The following TNN variants were observed in gnomAD, a reference collection of about 807,000 sequenced individuals.
TNN encodes tenascin-N.
TNN carries 122 observed loss-of-function variants against 134.4 expected under a neutral mutation model. The observed-to-expected ratio is 0.91, with a 90% CI of 0.78 to 1.06. The LOEUF is 1.06. Among genes scored for constraint, TNN ranks in the 50% least tolerant of loss-of-function variants. The pLI is 0.00. For synonymous variants in TNN, 710 were observed against 670.3 expected, an observed-to-expected ratio of 1.06 and a Z score of -0.91; for missense variants, 1,739 against 1,699.4, an observed-to-expected ratio of 1.02 and a Z score of -0.41.
In TNN at chr1:175,118,674, G is replaced by A. The variant is rs541706099; in HGVS notation, c.2500G>A (p.Ala834Thr). Reference sequence around the variant, plus strand: ...CAGGTATGTGGTGCACTACACGTCTGCCAACGGAGAGACCAGGGAGGTTCC... The same window carrying A: ...CAGGTATGTGGTGCACTACACGTCTACCAACGGAGAGACCAGGGAGGTTCC... The part of the protein sequence containing the change: ...IDRYVVHYTS[A>T]NGETREVPVG... The change falls in exon 11 of 19, where the codon GCC (alanine) becomes ACC (threonine). Residue 834 changes from alanine to threonine, a missense_variant. Physicochemically the swap from Ala to Thr is moderately conservative, Grantham distance 58 (BLOSUM62 0). Coordinates refer to ENST00000239462, the MANE Select transcript of TNN (RefSeq NM_022093.2). 6.2e-7 allele frequency: 1 copy of A among 1,614,260 alleles called. No homozygotes were observed. The highest frequency in any genetic ancestry group is 1.1e-5 in the South Asian group (1 of 91,090).
intron 1 of TNN, among the ~76,000 whole-genome samples, chr1:175,072,791 C>T (rs1673944996): frequency 6.6e-6 from 1 of 152,088 alleles, no homozygotes; most frequent in Non-Finnish European, 1.5e-5. Context: ...CATCTTGTTA[C>T]AAATCAGAAG....
intron 1 of TNN, among the ~76,000 whole-genome samples, chr1:175,072,926 CTTTTTTTTTTTTT>C (rs60879960): frequency 1.9e-4 from 9 of 46,764 alleles, no homozygotes; most frequent in African/African-American, 7.8e-4. Flanking sequence ...GAGTCCACGG[CTTTTTTTTTTTTT>C]TTTTTTTTTT....
At chr1:175,115,915 T>C (rs533640054) in intron 9 of TNN, among the ~76,000 whole-genome samples, 18 of 152,348 alleles carry the variant, frequency 1.2e-4, no homozygotes, top group Non-Finnish European at 2.5e-4. Context: ...GGTTTCCAGC[T>C]GCTCTTACCT....
chr1:175,075,968 G>T lies in TNN; in HGVS notation c.-35-1416G>T, dbSNP rs530391815. On this transcript the variant is annotated intron_variant, in intron 1 of 18. Coordinates refer to ENST00000239462, the MANE Select transcript of TNN (RefSeq NM_022093.2). ...TGGCATAAATAATTGCAGGTCTTGGGTTAGTTACAGAAACCCATTGTCAAG... is the reference window on the plus strand; with the variant it reads ...TGGCATAAATAATTGCAGGTCTTGGTTTAGTTACAGAAACCCATTGTCAAG... 6.6e-5 allele frequency among the ~76,000 whole-genome samples: 10 copies of T among 152,292 alleles called. No individual in the cohort carries two copies. The East Asian group carries it at 1.7e-3, about 26-fold the overall frequency.
chr1:175,122,711 C>A (rs1036020410), intron 11 of TNN, among the ~76,000 whole-genome samples: 3 of 152,178 alleles, frequency 2.0e-5, no homozygotes, highest in African/African-American at 7.2e-5. Context: ...GGAGAGTGAG[C>A]AGTGAAGTTA....
chr1:175,140,723 A>T (rs1398464431), intron 17 of TNN, among the ~76,000 whole-genome samples: 2 of 152,220 alleles, frequency 1.3e-5, no homozygotes, highest in East Asian at 3.8e-4. Flanking sequence ...TTTTAATAGG[A>T]GACTTTCACA....
At chr1:175,078,870 C>A (rs1558347718) in intron 2 of TNN, among the ~76,000 whole-genome samples, 2 of 152,300 alleles carry the variant, frequency 1.3e-5, no homozygotes, top group South Asian at 2.1e-4. Context: ...TTCACAAGGT[C>A]CCAGCCTTGC....
intron 17 of TNN, among the ~76,000 whole-genome samples, chr1:175,140,351 C>T (rs1675916539): frequency 6.6e-6 from 1 of 152,188 alleles, no homozygotes; most frequent in African/African-American, 2.4e-5. Flanking sequence ...TCCCTGGACA[C>T]AATATGAAGT....
rs1674141684 is a variant in TNN at position 175,079,536 on chromosome 1, A to G, written c.613A>G (p.Asn205Asp). The part of the protein sequence containing the change: ...ADCGYPACPE[N>D]CSGHGECVRG... ...CTGCGGCTACCCGGCCTGCCCTGAGAACTGCAGCGGACACGGCGAGTGCGT... is the reference window on the plus strand; with the variant it reads ...CTGCGGCTACCCGGCCTGCCCTGAGGACTGCAGCGGACACGGCGAGTGCGT... Residue 205 changes from asparagine (N) to aspartate (D), a missense_variant, in exon 3 of 19, where the codon AAC becomes GAC. Physicochemically the swap from Asn to Asp is conservative, Grantham distance 23 (BLOSUM62 1). Coordinates refer to ENST00000239462, the MANE Select transcript of TNN (RefSeq NM_022093.2). 8 of 1,567,804 alleles carry G rather than the reference A, an allele frequency of 5.1e-6. No homozygotes were observed. The East Asian group carries it at 1.9e-4, about 37-fold the overall frequency.
At chr1:175,143,258 G>A (rs1212610837) in intron 17 of TNN, among the ~76,000 whole-genome samples, 3 of 152,166 alleles carry the variant, frequency 2.0e-5, no homozygotes, top group Non-Finnish European at 2.9e-5. Context: ...GAAGAAGATC[G>A]CTAAACTTAG....
At position 175,098,204 on chromosome 1, in the gene TNN, G is replaced by C. The variant is rs1219869946; in HGVS notation, c.1856-128G>C. 1.2e-5 allele frequency: 16 copies of C among 1,334,464 alleles called. No individual in the cohort carries two copies. The East Asian group carries it at 3.5e-4, about 29-fold the overall frequency. The allele number at this position is 1,334,464 out of a possible 1,614,324, so 82.7% of individuals were successfully genotyped here. On this transcript the variant is annotated intron_variant, in intron 8 of 18. Coordinates refer to ENST00000239462, the MANE Select transcript of TNN (RefSeq NM_022093.2). The stretch of plus-strand genomic sequence containing the variant: ...ACTTTCTCCTTAGACTCCCAGCGGA[G>C]ACTCAGGATGAGAATGCCATTGCCT...
chr1:175,071,766 AATG>A (rs1449173336), intron 1 of TNN, among the ~76,000 whole-genome samples: 1 of 152,194 alleles, frequency 6.6e-6, no homozygotes. Context: ...TGTCACAAAG[AATG>A]ATATCAACTG....
intron 17 of TNN, among the ~76,000 whole-genome samples, chr1:175,139,368 T>G (rs1417965138): frequency 6.6e-6 from 1 of 152,226 alleles, no homozygotes; most frequent in Non-Finnish European, 1.5e-5. Flanking sequence ...TTTTTTCTAT[T>G]TAAACATTTT....
chr1:175,077,379 T>C lies in TNN; in HGVS notation c.-35-5T>C, dbSNP rs1173030293. ...GGCTTTCTTTTGCAATGTTTCTGAATACAGGCATCCTGGAGGGTCTGCTCC... is the reference window on the plus strand; with the variant it reads ...GGCTTTCTTTTGCAATGTTTCTGAACACAGGCATCCTGGAGGGTCTGCTCC... On this transcript the variant is annotated splice_polypyrimidine_tract_variant and splice_region_variant and intron_variant, in intron 1 of 18. Transcript: ENST00000239462. 6 of 1,566,762 alleles carry C rather than the reference T, an allele frequency of 3.8e-6. No individual in the cohort carries two copies. The highest frequency in any genetic ancestry group is 3.8e-5 in the Admixed American group (2 of 53,198).
intron 3 of TNN, 132 bp downstream of exon 3, chr1:175,079,839 G>A: frequency 7.8e-7 from 1 of 1,282,920 alleles, no homozygotes; most frequent in Non-Finnish European, 1.0e-6. Context: ...CCCAACCCCA[G>A]AGTTTCTGAT....
chr1:175,097,754 G>T, intron 8 of TNN, 71 bp downstream of exon 8: 5 of 1,583,594 alleles, frequency 3.2e-6, no homozygotes, highest in Non-Finnish European at 4.3e-6. Context: ...GGTATCAAAG[G>T]ATGTGGCCTG....
chr1:175,091,093 C>A (rs1437248537), intron 6 of TNN, among the ~76,000 whole-genome samples: 1 of 152,258 alleles, frequency 6.6e-6, no homozygotes, highest in Non-Finnish European at 1.5e-5. Context: ...TTCAGTCCTG[C>A]AAAGCTGGCC....
At chr1:175,088,915 G>T (rs1222209176) in intron 6 of TNN, among the ~76,000 whole-genome samples, 1 of 152,172 alleles carries the variant, frequency 6.6e-6, no homozygotes, top group African/African-American at 2.4e-5. Flanking sequence ...ATGTCAGCCA[G>T]ATTTGTTTCT....
At chr1:175,077,336 C>G (rs1297907377) in intron 1 of TNN, 48 bp from the exon 2 acceptor site, 1 of 1,430,494 alleles carries the variant, frequency 7.0e-7, no homozygotes. Context: ...AAGCCAGCTT[C>G]CCTCAGCACA....
Sources: gnomAD v4.1 joint callset for allele counts (sites outside exome capture counted in the v4.1 genomes callset) on GRCh38, gnomAD v4.1.1 for gene constraint, MANE v1.5 for transcripts, NCBI Gene and HGNC (gene_info 2026-07-23, HGNC 2026-07-21) for gene names.